The following CNGA4 variants were observed in gnomAD, a reference collection of about 807,000 sequenced individuals.
The protein encoded by CNGA4 is cyclic nucleotide-gated channel alpha-4.
CNGA4 carries 32 observed loss-of-function variants against 45.6 expected under a neutral mutation model. The observed-to-expected ratio is 0.70, with a 90% CI of 0.53 to 0.94. CNGA4 has a LOEUF of 0.94. Among genes scored for constraint, CNGA4 ranks in the 40% least tolerant of loss-of-function variants. CNGA4 has a pLI of 0.00. For missense variants in CNGA4, 726 were observed against 755.1 expected (o/e 0.96, Z 0.45); for synonymous variants, 293 against 304.6 (o/e 0.96, Z 0.40).
At chr11:6,243,867 G>A in intron 5 of CNGA4, 82 bp from the exon 6 acceptor site, 1 of 1,263,112 alleles carries the variant, frequency 7.9e-7, no homozygotes, top group Non-Finnish European at 1.1e-6. Context: ...AAATATGGAG[G>A]TGAAGGTCCT....
rs776140163 is a variant in CNGA4, at chr11:6,240,058, C to CT, written c.272-7dup. 6.3e-7 allele frequency: 1 copy of CT among 1,596,518 alleles called. No individual in the cohort carries two copies. Among genetic ancestry groups the CT allele is most frequent in the Non-Finnish European group, 8.5e-7 (1 of 1,170,750 alleles). ...CAGGTCCGCTTCCTACCGGCTCCCT[C>CT]TCCCCAGGATTCTTGGAACAGGGCA... On this transcript the variant is annotated splice_polypyrimidine_tract_variant and splice_region_variant and intron_variant, in intron 3 of 5. Transcript: ENST00000379936. The surrounding 1 kb of genome is among the most constrained non-coding windows in gnomAD (Gnocchi z 4.9).
At chr11:6,244,918 G>A (rs1847971973), downstream of CNGA4, among the ~76,000 whole-genome samples, 1 of 152,152 alleles carries the variant, frequency 6.6e-6, no homozygotes, top group African/African-American at 2.4e-5. This position sits in a 1 kb window ranked among gnomAD's most constrained non-coding sequence, Gnocchi z 4.5. Flanking sequence ...TCCCATATGG[G>A]CGATTCACAA....
Position 6,240,432 on chromosome 11 carries a change from G to C in CNGA4, c.638G>C (p.Arg213Pro), listed in dbSNP as rs376486440. ...GACCCCGCGCAGCCTGGCTTTGAGC[G>C]CCTGCGGCGCCAGTACCTCTATAGC... ...YPDPAQPGFE[R>P]LRRQYLYSFY... The change falls in exon 4 of 6, where the codon CGC becomes CCC. Residue 213 changes from arginine (R) to proline (P), a missense_variant. Physicochemically the swap from Arg to Pro is moderately radical, Grantham distance 103. Transcript: ENST00000379936. This position sits in a 1 kb window ranked among gnomAD's most constrained non-coding sequence, Gnocchi z 4.9. The C allele has an allele frequency of 1.2e-6, 2 of 1,614,238 alleles. No individual in the cohort carries two copies. Among genetic ancestry groups the C allele is most frequent in the Non-Finnish European group, 1.7e-6 (2 of 1,180,044 alleles).
rs563032962 is a variant in CNGA4 at position 6,240,543 on chromosome 11, A to G, written c.749A>G (p.Asp250Gly). ...GAAGAGTACCTCTTCATGGTGGGCGACTTCCTGCTGGCCGTCATGGGTTTC... is the reference window on the plus strand; with the variant it reads ...GAAGAGTACCTCTTCATGGTGGGCGGCTTCCTGCTGGCCGTCATGGGTTTC... Reference protein sequence around the residue: ...REEEYLFMVGDFLLAVMGFAT... With the variant: ...REEEYLFMVGGFLLAVMGFAT... Residue 250 changes from aspartate to glycine, a missense_variant, in exon 4 of 6, where the codon GAC (aspartate) becomes GGC (glycine). Physicochemically the swap from Asp to Gly is moderately conservative, Grantham distance 94. Coordinates refer to ENST00000379936, the MANE Select transcript of CNGA4 (RefSeq NM_001037329.4). This position sits in a 1 kb window ranked among gnomAD's most constrained non-coding sequence, Gnocchi z 4.9. 6.2e-7 allele frequency: 1 copy of G among 1,614,078 alleles called. No homozygotes were observed. The highest frequency in any genetic ancestry group is 1.1e-5 in the South Asian group (1 of 91,084).
At chr11:6,244,579 T>G, downstream of CNGA4, 1 of 448,374 alleles carries the variant, frequency 2.2e-6, no homozygotes, top group Non-Finnish European at 3.9e-6. The surrounding 1 kb of genome is among the most constrained non-coding windows in gnomAD (Gnocchi z 4.5). Flanking sequence ...AGCCCCCACT[T>G]ACCAGTACAC....
chr11:6,244,649 G>A (rs1847969020), downstream of CNGA4, among the ~76,000 whole-genome samples: 1 of 149,258 alleles, frequency 6.7e-6, no homozygotes, highest in Non-Finnish European at 1.5e-5. This position sits in a 1 kb window ranked among gnomAD's most constrained non-coding sequence, Gnocchi z 4.5. Context: ...TAGACCTGTT[G>A]GCCCCAAGAC....
At chr11:6,237,321 T>C (rs1847850994), upstream of CNGA4, among the ~76,000 whole-genome samples, 1 of 152,172 alleles carries the variant, frequency 6.6e-6, no homozygotes, top group Admixed American at 6.5e-5. Flanking sequence ...ATAGGAATTC[T>C]AGAAGAAAAA....
In CNGA4 at chr11:6,240,820, G is replaced by A. The variant is rs1051546729; in HGVS notation, c.917+109G>A. On this transcript the variant is annotated intron_variant, in intron 4 of 5. Transcript: ENST00000379936. The surrounding 1 kb of genome is among the most constrained non-coding windows in gnomAD (Gnocchi z 4.9). ...GTGAGCCAGGCAAGGCTGTCAAAAT[G>A]TAGCATTCAGCCGTGGGTTTGCTGG... 5.1e-6 allele frequency: 7 copies of A among 1,360,034 alleles called. No individual in the cohort carries two copies. Among genetic ancestry groups the A allele is most frequent in the Non-Finnish European group, 7.0e-6 (7 of 994,096 alleles). The allele number at this position is 1,360,034 out of a possible 1,614,324, so 84.2% of individuals were successfully genotyped here. A position where few individuals can be genotyped will look rare whatever the true frequency, so the allele number is the denominator to read the frequency against.
chr11:6,243,338 A>T (rs568836856), intron 5 of CNGA4, among the ~76,000 whole-genome samples: 4 of 152,192 alleles, frequency 2.6e-5, no homozygotes, highest in Non-Finnish European at 4.4e-5. Context: ...GGCTTCAAGA[A>T]GCTTATAATT....
chr11:6,240,253 C>T lies in CNGA4; in HGVS notation c.459C>T (p.Ala153=). 1 of 1,614,250 alleles carries T rather than the reference C, an allele frequency of 6.2e-7. No individual in the cohort carries two copies. Among genetic ancestry groups the T allele is most frequent in the Non-Finnish European group, 8.5e-7 (1 of 1,180,038 alleles). ...TCCGCGCGCCCCGCCTCTTCGAGGC[C>T]TTCGACCGCACAGAGACCCGCACAG... ...RFLRAPRLFE[A]FDRTETRTAY... The change falls in exon 4 of 6, where the codon GCC becomes GCT. Residue 153 remains alanine, a synonymous_variant. Transcript: ENST00000379936. This position sits in a 1 kb window ranked among gnomAD's most constrained non-coding sequence, Gnocchi z 4.9.
intron 5 of CNGA4, among the ~76,000 whole-genome samples, chr11:6,243,621 A>G (rs1180897193): frequency 2.0e-5 from 3 of 152,166 alleles, no homozygotes; most frequent in Admixed American, 6.5e-5. Flanking sequence ...GACTTCCCTA[A>G]ATTCCCTGCC....
rs891306380 is a variant in CNGA4 at position 6,239,384 on chromosome 11, GA to G, written c.65del (p.Lys22SerfsTer17). 1.2e-6 allele frequency: 2 copies of G among 1,614,112 alleles called. No homozygotes were observed. Among genetic ancestry groups the G allele is most frequent in the Non-Finnish European group, 1.7e-6 (2 of 1,179,938 alleles). On this transcript the variant is annotated frameshift_variant and splice_region_variant, in exon 2 of 6. Transcript: ENST00000379936. LOFTEE classifies it high-confidence loss of function. ...TGAAGCAAGACTTTCTTTCTTACAGGAAGTTGCTGCCTGTCCTGGACCCATC... is the reference window on the plus strand; with the variant it reads ...TGAAGCAAGACTTTCTTTCTTACAGGAGTTGCTGCCTGTCCTGGACCCATC... ...SSPPAPSKARKLLPVLDPSGD... is the reference protein window; with the variant it reads ...SSPPAPSKARXLLPVLDPSGD...
At chr11:6,236,852 A>G (rs1001025053), upstream of CNGA4, among the ~76,000 whole-genome samples, 2 of 152,228 alleles carry the variant, frequency 1.3e-5, no homozygotes, top group African/African-American at 4.8e-5. Context: ...AATTCTGGGA[A>G]TTTGGACGAG....
chr11:6,239,983 C>A, intron 3 of CNGA4, 83 bp from the exon 4 acceptor site: 1 of 1,511,446 alleles, frequency 6.6e-7, no homozygotes, highest in South Asian at 1.3e-5. Context: ...TTCAGACAGT[C>A]TCCCTGGCCT....
chr11:6,241,839 G>A (rs757426934), intron 5 of CNGA4, 59 bp downstream of exon 5: 22 of 1,493,520 alleles, frequency 1.5e-5, no homozygotes, highest in African/African-American at 1.4e-4. Context: ...GGGAACAGCA[G>A]AGCCCAGTGC....
chr11:6,236,737 A>AT (rs949030555), upstream of CNGA4, among the ~76,000 whole-genome samples: 1 of 152,184 alleles, frequency 6.6e-6, no homozygotes, highest in African/African-American at 2.4e-5. Flanking sequence ...ATACTTAAGG[A>AT]TTGTACACCT....
chr11:6,235,259 CTACTT>C (rs1847814786), upstream of CNGA4, among the ~76,000 whole-genome samples: 1 of 152,184 alleles, frequency 6.6e-6, no homozygotes, highest in Non-Finnish European at 1.5e-5. Flanking sequence ...AGCTTGGTCT[CTACTT>C]TAGTACCCCA....
upstream of CNGA4, among the ~76,000 whole-genome samples, chr11:6,238,795 T>A (rs1406341842): frequency 6.6e-6 from 1 of 152,194 alleles, no homozygotes; most frequent in Non-Finnish European, 1.5e-5. Context: ...TTTGCAAAGA[T>A]AAAACAGAGT....
Position 6,240,934 on chromosome 11 carries a change from C to G in CNGA4, c.917+223C>G, listed in dbSNP as rs1387142612. Among the ~76,000 whole-genome samples the G allele has an allele frequency of 6.6e-6, 1 of 152,014 alleles. No homozygotes were observed. Among genetic ancestry groups the G allele is most frequent in the African/African-American group, 2.4e-5 (1 of 41,372 alleles). ...TAAGAGACTGATAGGGAGAGGAGCT[C>G]ATACTCAAAAAAGGATAATATGGAG... On this transcript the variant is annotated intron_variant, in intron 4 of 5. Transcript: ENST00000379936. This position sits in a 1 kb window ranked among gnomAD's most constrained non-coding sequence, Gnocchi z 4.9.
Sources: allele counts gnomAD v4.1 joint callset (sites outside exome capture counted in the v4.1 genomes callset), GRCh38; gene constraint gnomAD v4.1.1; non-coding constraint Gnocchi (gnomAD v3.1); transcripts MANE v1.5; gene names NCBI Gene and HGNC (gene_info 2026-07-23, HGNC 2026-07-21).